The following FMN2 variants were observed in gnomAD, a reference collection of about 807,000 sequenced individuals.
FMN2 encodes formin-2.
In FMN2, 51 loss-of-function variants were observed where a neutral mutation model predicts 142.3. The observed-to-expected ratio is 0.36, with a 90% CI of 0.29 to 0.45. FMN2 has a LOEUF of 0.45. Among genes scored for constraint, FMN2 ranks in the 20% least tolerant of loss-of-function variants. The pLI, the probability that FMN2 is intolerant of heterozygous loss-of-function variation, is 1.00. For missense variants in FMN2, 1,936 were observed against 2,122.8 expected, an observed-to-expected ratio of 0.91 and a Z score of 1.73; for synonymous variants, 882 against 869.8, an observed-to-expected ratio of 1.01 and a Z score of -0.25.
chr1:240,305,350 G>GA (rs1201142904), intron 8 of FMN2, among the ~76,000 whole-genome samples: 11 of 152,160 alleles, frequency 7.2e-5, no homozygotes, highest in African/African-American at 2.7e-4. Flanking sequence ...GTTTTGCTGA[G>GA]AAAGAAACTC....
In FMN2 at chr1:240,207,307, C is replaced by T; in HGVS notation, c.2495C>T (p.Ser832Phe). 1 of 1,613,886 alleles carries T rather than the reference C, an allele frequency of 6.2e-7. No individual in the cohort carries two copies. Among genetic ancestry groups the T allele is most frequent in the Non-Finnish European group, 8.5e-7 (1 of 1,179,876 alleles). The change falls in exon 5 of 18, where the codon TCT becomes TTT. Residue 832 changes from serine (S) to phenylalanine (F), a missense_variant. By Grantham distance (155) the Ser-to-Phe change is radical. Transcript: ENST00000319653. ...CAGCCTGGGTCACAGCCGCCCCATT[C>T]TATTTCTACCGAGTTTCAAACCAGC... is the stretch of plus-strand genomic sequence containing the variant. ...QGQPGSQPPH[S>F]ISTEFQTSHE...
At chr1:240,390,461 A>G (rs943637555) in intron 14 of FMN2, among the ~76,000 whole-genome samples, 3 of 152,264 alleles carry the variant, frequency 2.0e-5, no homozygotes, top group African/African-American at 7.2e-5. Flanking sequence ...AAAAGAAGTC[A>G]TTATGAACAA....
chr1:240,321,321 C>CA (rs990680744), intron 8 of FMN2, among the ~76,000 whole-genome samples: 4 of 152,002 alleles, frequency 2.6e-5, no homozygotes, highest in African/African-American at 9.7e-5. Flanking sequence ...AGCTCTAAAG[C>CA]AAAAATTAGA....
chr1:240,344,929 T>G (rs1026394728), intron 13 of FMN2, among the ~76,000 whole-genome samples: 1 of 152,242 alleles, frequency 6.6e-6, no homozygotes, highest in African/African-American at 2.4e-5. Flanking sequence ...GCCATGAGAT[T>G]CTGTTTCTTT....
At chr1:240,135,978 C>A (rs1173111272) in intron 2 of FMN2, among the ~76,000 whole-genome samples, 1 of 146,244 alleles carries the variant, frequency 6.8e-6, no homozygotes, top group African/African-American at 2.7e-5. Flanking sequence ...CATGCCTAGT[C>A]ATGTTTTTTT....
intron 7 of FMN2, among the ~76,000 whole-genome samples, chr1:240,269,112 G>A (rs1040972488): frequency 2.6e-5 from 4 of 151,920 alleles, no homozygotes; most frequent in Non-Finnish European, 5.9e-5. Context: ...TCATATCCGA[G>A]AAATAATTGC....
rs1336911777 is a variant in FMN2, at chr1:240,427,244, C to T, written c.4911-10817C>T. ...TTTTTTGAGACAGAGTCTCGCCTGT[C>T]TCCCAGGCTGGAGTGCAGTAGTGCT... On this transcript the variant is annotated intron_variant, in intron 15 of 17. Transcript: ENST00000319653. 2.7e-5 allele frequency among the ~76,000 whole-genome samples: 4 copies of T among 150,304 alleles called. No individual in the cohort carries two copies. The East Asian group carries it at 7.9e-4, about 30-fold the overall frequency.
chr1:240,285,295 G>T (rs1191318036), intron 7 of FMN2: 4 of 455,404 alleles, frequency 8.8e-6, no homozygotes, highest in South Asian at 6.2e-5. Flanking sequence ...AGGAATTAAG[G>T]ACAGTTCCTC....
At chr1:240,413,224 A>G (rs1168037770) in intron 15 of FMN2, among the ~76,000 whole-genome samples, 1 of 150,658 alleles carries the variant, frequency 6.6e-6, no homozygotes, top group Non-Finnish European at 1.5e-5. Flanking sequence ...ATCAGGATCC[A>G]GAGGGCTTCA....
chr1:240,177,020 G>A (rs1436830624), intron 2 of FMN2, among the ~76,000 whole-genome samples: 1 of 152,106 alleles, frequency 6.6e-6, no homozygotes, highest in East Asian at 1.9e-4. Context: ...TGATTACAGT[G>A]GTTTTTTGTT....
intron 16 of FMN2, chr1:240,457,838 A>C (rs745391914): frequency 2.6e-5 from 4 of 152,396 alleles, no homozygotes; most frequent in Non-Finnish European, 5.9e-5. Context: ...GGGCCAGACT[A>C]TGTAGCCTAG....
intron 16 of FMN2, among the ~76,000 whole-genome samples, chr1:240,456,233 ACTGAAAGCTTATTCAT>A (rs1222175054): frequency 1.3e-5 from 2 of 152,120 alleles, no homozygotes; most frequent in Non-Finnish European, 2.9e-5. Context: ...AACCTCAGAA[ACTGAAAGCTTATTCAT>A]ATTTTTGTGG....
chr1:240,439,494 G>A (rs1418694438), intron 16 of FMN2, among the ~76,000 whole-genome samples: 1 of 152,060 alleles, frequency 6.6e-6, no homozygotes, highest in Non-Finnish European at 1.5e-5. Flanking sequence ...CCAGACTTGC[G>A]CTTACTCCTA....
intron 8 of FMN2, among the ~76,000 whole-genome samples, chr1:240,328,578 T>C (rs951435707): frequency 8.1e-6 from 1 of 123,812 alleles, no homozygotes; most frequent in African/African-American, 2.9e-5. Context: ...TTTATTTATT[T>C]ATTTATTTAT....
At chr1:240,240,184 G>T (rs1667845031) in intron 6 of FMN2, among the ~76,000 whole-genome samples, 1 of 152,140 alleles carries the variant, frequency 6.6e-6, no homozygotes, top group African/African-American at 2.4e-5. Context: ...ATGGCTGAGG[G>T]GTAGTGTGGA....
intron 8 of FMN2, among the ~76,000 whole-genome samples, chr1:240,324,793 CA>C (rs11392877): frequency 0.017 from 2,549 of 146,740 alleles, 73 homozygotes; most frequent in African/African-American, 0.057. Flanking sequence ...AACCTTGCAT[CA>C]AAAAAAAAAA....
At chr1:240,357,818 A>G (rs1300220604) in intron 14 of FMN2, among the ~76,000 whole-genome samples, 1 of 152,108 alleles carries the variant, frequency 6.6e-6, no homozygotes, top group East Asian at 1.9e-4. Context: ...TCTGTTGGCC[A>G]GGCTGGTCTT....
chr1:240,394,869 G>C (rs1673722490), intron 15 of FMN2, among the ~76,000 whole-genome samples: 1 of 152,140 alleles, frequency 6.6e-6, no homozygotes, highest in African/African-American at 2.4e-5. Context: ...TCAGAAGGCT[G>C]AGGCAGGAGA....
In FMN2 at chr1:240,465,229, A is replaced by G. The variant is rs191422355; in HGVS notation, c.5061-7143A>G. On this transcript the variant is annotated intron_variant, in intron 16 of 17. Transcript: ENST00000319653. ...TACTCACTTCTGTCTTTACCTGGAG[A>G]GAAAGACTCACAGCTCCTAAGCTGG... Among the ~76,000 whole-genome samples, 178 of 152,148 alleles carry G rather than the reference A, an allele frequency of 1.2e-3. 1 individual carries two copies. The highest frequency in any genetic ancestry group is 2.0e-3 in the Non-Finnish European group (138 of 68,000).
Sources: allele counts gnomAD v4.1 joint callset (sites outside exome capture counted in the v4.1 genomes callset), GRCh38; gene constraint gnomAD v4.1.1; transcripts MANE v1.5; gene names NCBI Gene and HGNC (gene_info 2026-07-23, HGNC 2026-07-21).